PSMD12: variants seen among roughly 807,000 people sequenced by gnomAD.
The protein encoded by PSMD12 is proteasome 26S subunit, non-ATPase 12, also known as 26S proteasome non-ATPase regulatory subunit 12.
Under a neutral mutation model 62.9 loss-of-function variants are expected in PSMD12, and 8 were observed. The observed-to-expected ratio is 0.13, with a 90% CI of 0.07 to 0.23. The LOEUF (loss-of-function observed/expected upper bound fraction) is 0.23, where lower values mean the gene tolerates loss of function less well. Among genes scored for constraint, PSMD12 ranks in the 10% least tolerant of loss-of-function variants. The pLI, the probability that PSMD12 is intolerant of heterozygous loss-of-function variation, is 1.00. For missense variants in PSMD12, 424 were observed against 550.2 expected (o/e 0.77, Z 2.29); for synonymous variants, 173 against 187.4 (o/e 0.92, Z 0.63).
At position 67,347,537 on chromosome 17, in the gene PSMD12, T is replaced by A. The variant is rs548189184; in HGVS notation, c.511-52A>T. The A allele has an allele frequency of 4.0e-6, 6 of 1,511,490 alleles. No individual in the cohort carries two copies. The East Asian group carries it at 1.4e-4, about 34-fold the overall frequency. The allele number at this position is 1,511,490 out of a possible 1,614,324, so 93.6% of individuals were successfully genotyped here. On this transcript the variant is annotated intron_variant, in intron 5 of 10. Coordinates refer to ENST00000356126, the MANE Select transcript of PSMD12 (RefSeq NM_002816.5). ...TTATAATACTTTGCAATTTTGTGAA[T>A]TGCAATAAAATGAAATAGATATTAA...
intron 1 of PSMD12, among the ~76,000 whole-genome samples, chr17:67,359,588 G>A (rs1293357383): frequency 1.3e-5 from 2 of 152,074 alleles, no homozygotes; most frequent in Non-Finnish European, 2.9e-5. Context: ...CATAAATAAT[G>A]TTTTGACTTT....
chr17:67,361,872 C>CT (rs1408887825), intron 1 of PSMD12, among the ~76,000 whole-genome samples: 1 of 48,270 alleles, frequency 2.1e-5, no homozygotes, highest in East Asian at 9.0e-4. Flanking sequence ...ATCCCTGTAT[C>CT]TAAAAAAAAA....
chr17:67,365,102 T>G (rs982947556), intron 1 of PSMD12, among the ~76,000 whole-genome samples: 8 of 150,870 alleles, frequency 5.3e-5, no homozygotes, highest in Non-Finnish European at 1.2e-4. Context: ...GAGAATCGTT[T>G]GAACCCGGGA....
chr17:67,343,642 CT>C (rs1441546872), intron 9 of PSMD12, among the ~76,000 whole-genome samples: 1 of 152,152 alleles, frequency 6.6e-6, no homozygotes, highest in Non-Finnish European at 1.5e-5. Flanking sequence ...ATCTGATACT[CT>C]TTTTATTTAT....
chr17:67,349,319 A>T (rs904875531), intron 4 of PSMD12, among the ~76,000 whole-genome samples: 3 of 152,212 alleles, frequency 2.0e-5, no homozygotes, highest in African/African-American at 7.2e-5. Flanking sequence ...GTGCCTGGCC[A>T]GAACCGAACT....
At position 67,342,195 on chromosome 17, in the gene PSMD12, T is replaced by C. The variant is rs770341629; in HGVS notation, c.1152A>G (p.Leu384=). ...GTTGATTACTACTTACATCAACAGA[T>C]AGATCCAGAAGCTGTGCCATCCTTT... The part of the protein sequence containing the change: ...TMKRMAQLLD[L]SVDESEAFLS... The change falls in exon 10 of 11, where the codon CTA becomes CTG. Residue 384 remains leucine (L), a synonymous_variant. Coordinates refer to ENST00000356126, the MANE Select transcript of PSMD12 (RefSeq NM_002816.5). The C allele has an allele frequency of 8.9e-6, 14 of 1,572,846 alleles. No individual in the cohort carries two copies. The East Asian group carries it at 1.3e-4, about 15-fold the overall frequency.
In PSMD12 at chr17:67,345,847, C is replaced by T. The variant is rs531506989; in HGVS notation, c.806G>A (p.Ser269Asn). Residue 269 changes from serine to asparagine, a missense_variant, in exon 8 of 11, where the codon AGT becomes AAT. Physicochemically the swap from Ser to Asn is conservative, Grantham distance 46. Transcript: ENST00000356126. ...ESEKWQQALK[S>N]VVLYVILAPF... is the part of the protein sequence containing the mutation. Reference sequence around the variant, plus strand: ...AGCCAGGATAACATAGAGTACAACACTCTTCAGAGCCTAAAAGAGTTGTAC... The same window carrying T: ...AGCCAGGATAACATAGAGTACAACATTCTTCAGAGCCTAAAAGAGTTGTAC... The T allele has an allele frequency of 1.2e-6, 2 of 1,611,798 alleles. No homozygotes were observed. The highest frequency in any genetic ancestry group is 1.7e-5 in the Admixed American group (1 of 59,998).
intron 7 of PSMD12, 58 bp from the exon 8 acceptor site, chr17:67,345,915 AAAACTG>A: frequency 1.4e-6 from 2 of 1,433,198 alleles, no homozygotes. Context: ...AACTTTGACA[AAAACTG>A]AACAATCATG....
rs909938654 is a variant in PSMD12 at position 67,362,851 on chromosome 17, A to C, written c.108+3561T>G. 3.9e-5 allele frequency: 6 copies of C among 152,316 alleles called. No homozygotes were observed. In the East Asian group the frequency reaches 1.2e-3, roughly 29 times the overall value. The allele number at this position is 152,316 out of a possible 1,614,324, so 9.4% of individuals were successfully genotyped here. A position where few individuals can be genotyped will look rare whatever the true frequency, so the allele number is the denominator to read the frequency against. On this transcript the variant is annotated intron_variant, in intron 1 of 10. Transcript: ENST00000356126. ...GGGCACAATAATTGTACCAATCCAC[A>C]GGGTTGGTGTAAGATTTAAATCAAT...
At chr17:67,347,843 A>G (rs2041982500) in intron 5 of PSMD12, among the ~76,000 whole-genome samples, 1 of 152,198 alleles carries the variant, frequency 6.6e-6, no homozygotes, top group African/African-American at 2.4e-5. Flanking sequence ...GTACTTCATC[A>G]CTACAAATTT....
chr17:67,357,419 C>A lies in PSMD12; in HGVS notation c.181G>T (p.Val61Leu), dbSNP rs776922394. Residue 61 changes from valine (V) to leucine (L), a missense_variant, in exon 3 of 11, where the codon GTA becomes TTA. By Grantham distance (32) the Val-to-Leu change is conservative (BLOSUM62 1). Transcript: ENST00000356126. ...EKQTRTASDM[V>L]STSRILVAVV... ...GCAACTAAGATACGGGATGTCGATACCATATCGGAAGCCTGTAAGGGTAAA... is the reference window on the plus strand; with the variant it reads ...GCAACTAAGATACGGGATGTCGATAACATATCGGAAGCCTGTAAGGGTAAA... 1 of 1,613,492 alleles carries A rather than the reference C, an allele frequency of 6.2e-7. No homozygotes were observed. Among genetic ancestry groups the A allele is most frequent in the Admixed American group, 1.7e-5 (1 of 59,988 alleles).
intron 3 of PSMD12, among the ~76,000 whole-genome samples, chr17:67,355,159 C>T (rs1241565351): frequency 7.1e-6 from 1 of 141,348 alleles, no homozygotes; most frequent in Non-Finnish European, 1.5e-5. Flanking sequence ...ATGGCACAAT[C>T]TCGGCTCACT....
Position 67,345,504 on chromosome 17 carries a change from T to C in PSMD12, c.908+241A>G, listed in dbSNP as rs1219509416. 1.3e-5 allele frequency: 5 copies of C among 396,404 alleles called. No homozygotes were observed. The Admixed American group carries it at 1.8e-4, about 15-fold the overall frequency. 24.6% of individuals were successfully genotyped at this position (396,404 alleles called of 1,614,324 possible). A position where few individuals can be genotyped will look rare whatever the true frequency, so the allele number is the denominator to read the frequency against. On this transcript the variant is annotated intron_variant, in intron 8 of 10. Coordinates refer to ENST00000356126, the MANE Select transcript of PSMD12 (RefSeq NM_002816.5). ...TAAAAATACAAAAATTAGCTCGGCA[T>C]GGTAGCGGGTGCCTGTAATCCCGGC...
chr17:67,342,421 C>G, intron 9 of PSMD12, 158 bp from the exon 10 acceptor site: 1 of 519,956 alleles, frequency 1.9e-6, no homozygotes, highest in East Asian at 3.1e-5. Context: ...TTCTAAGTTT[C>G]AATAACAAAA....
At position 67,347,154 on chromosome 17, in the gene PSMD12, T is replaced by C. The variant is rs1470747360; in HGVS notation, c.757A>G (p.Thr253Ala). ...ICKHYRAIYD[T>A]PCIQAESEKW... is the part of the protein sequence containing the mutation. Reference sequence around the variant, plus strand: ...TCACTTTCTGCCTGTATACAGGGAGTATCATATATTGCTCTGTAGTGCTTA... The same window carrying C: ...TCACTTTCTGCCTGTATACAGGGAGCATCATATATTGCTCTGTAGTGCTTA... Residue 253 changes from threonine (T) to alanine (A), a missense_variant, in exon 7 of 11, where the codon ACT (threonine) becomes GCT (alanine). Physicochemically the swap from Thr to Ala is moderately conservative, Grantham distance 58. Coordinates refer to ENST00000356126, the MANE Select transcript of PSMD12 (RefSeq NM_002816.5). 1 of 1,612,380 alleles carries C rather than the reference T, an allele frequency of 6.2e-7. No individual in the cohort carries two copies. Among genetic ancestry groups the C allele is most frequent in the Non-Finnish European group, 8.5e-7 (1 of 1,179,004 alleles).
At chr17:67,350,707 AC>A (rs1468949990) in intron 3 of PSMD12, among the ~76,000 whole-genome samples, 1 of 152,190 alleles carries the variant, frequency 6.6e-6, no homozygotes, top group Non-Finnish European at 1.5e-5. Flanking sequence ...CGGTTCTACC[AC>A]CCGGGTGGGA....
At chr17:67,347,560 T>A in intron 5 of PSMD12, 75 bp from the exon 6 acceptor site, 1 of 1,377,818 alleles carries the variant, frequency 7.3e-7, no homozygotes, top group Non-Finnish European at 9.9e-7. Flanking sequence ...AAATAGATAT[T>A]AAAATATTCA....
At chr17:67,364,485 A>T (rs1439705569) in intron 1 of PSMD12, among the ~76,000 whole-genome samples, 2 of 152,220 alleles carry the variant, frequency 1.3e-5, no homozygotes, top group Admixed American at 6.5e-5. Flanking sequence ...TTTGTCTAGT[A>T]ATCTCTGTAT....
At chr17:67,347,852 T>C (rs1019725746) in intron 5 of PSMD12, among the ~76,000 whole-genome samples, 2 of 152,220 alleles carry the variant, frequency 1.3e-5, no homozygotes, top group Admixed American at 6.5e-5. Context: ...CACTACAAAT[T>C]TGTCTTTTCA....
Sources: allele counts gnomAD v4.1 joint callset (sites outside exome capture counted in the v4.1 genomes callset), GRCh38; gene constraint gnomAD v4.1.1; transcripts MANE v1.5; gene names NCBI Gene and HGNC (gene_info 2026-07-23, HGNC 2026-07-21).